TENM3: variants seen among roughly 807,000 people sequenced by gnomAD.
TENM3 encodes the protein teneurin-3.
A neutral mutation model predicts 255.1 loss-of-function variants in TENM3; 63 were observed. That is an observed-to-expected ratio of 0.25 (90% CI 0.20 to 0.30). The LOEUF (loss-of-function observed/expected upper bound fraction) is 0.30. Ranked by LOEUF, TENM3 falls within the 10% of genes least tolerant of loss-of-function variation. TENM3 has a pLI of 1.00. For synonymous variants in TENM3, 1,306 were observed against 1,322.3 expected, an observed-to-expected ratio of 0.99 and a Z score of 0.27; for missense variants, 2,929 against 3,461.1, an observed-to-expected ratio of 0.85 and a Z score of 3.86.
chr4:181,741,439 A>C, the TENM3 span, among the ~76,000 whole-genome samples: 1 of 152,158 alleles, frequency 6.6e-6, no homozygotes, highest in African/African-American at 2.4e-5. Flanking sequence ...TGTGTGCTTC[A>C]TTAGTCTCAT....
chr4:182,677,879 CTG>C (rs1252286340), intron 7 of TENM3, among the ~76,000 whole-genome samples: 1 of 152,126 alleles, frequency 6.6e-6, no homozygotes, highest in African/African-American at 2.4e-5. Flanking sequence ...ATATATTTAA[CTG>C]TGATTCTCAG....
chr4:182,078,221 G>A, the TENM3 span, among the ~76,000 whole-genome samples: 1 of 152,050 alleles, frequency 6.6e-6, no homozygotes, highest in Non-Finnish European at 1.5e-5. Flanking sequence ...GCAAGACCCT[G>A]TCTCAAAAAA....
At chr4:181,747,513 G>A in the TENM3 span, among the ~76,000 whole-genome samples, 1 of 151,988 alleles carries the variant, frequency 6.6e-6, no homozygotes, top group African/African-American at 2.4e-5. Context: ...AGTCAAGAAT[G>A]TAGTTTTCCT....
intron 3 of TENM3, 100 bp from the exon 4 acceptor site, chr4:182,600,824 A>G: frequency 7.5e-6 from 4 of 534,824 alleles, no homozygotes; most frequent in Admixed American, 3.7e-5. Context: ...TTTAATTCTA[A>G]TTCATCTGCA....
the TENM3 span, among the ~76,000 whole-genome samples, chr4:181,908,915 G>T: frequency 6.6e-6 from 1 of 152,194 alleles, no homozygotes; most frequent in Admixed American, 6.5e-5. Context: ...GTGCAAGCGA[G>T]GTGTAGAGGT....
At chr4:181,769,304 TC>T in the TENM3 span, among the ~76,000 whole-genome samples, 1 of 152,326 alleles carries the variant, frequency 6.6e-6, no homozygotes, top group Admixed American at 6.5e-5. Flanking sequence ...AGCTTCAGCT[TC>T]CGCATGCAAA....
At chr4:181,994,930 C>T in the TENM3 span, among the ~76,000 whole-genome samples, 5 of 152,132 alleles carry the variant, frequency 3.3e-5, no homozygotes, top group Non-Finnish European at 7.4e-5. Context: ...TATTATAAAG[C>T]AGAGCGATTA....
At chr4:181,751,486 A>G in the TENM3 span, among the ~76,000 whole-genome samples, 1 of 151,362 alleles carries the variant, frequency 6.6e-6, no homozygotes, top group East Asian at 1.9e-4. Context: ...CACTTCTTCT[A>G]TGACCCATTC....
the TENM3 span, among the ~76,000 whole-genome samples, chr4:181,879,637 A>G: frequency 6.6e-6 from 1 of 152,210 alleles, no homozygotes; most frequent in Non-Finnish European, 1.5e-5. Flanking sequence ...TACAGCAATA[A>G]CAATAGTTAA....
At chr4:181,862,294 G>T in the TENM3 span, among the ~76,000 whole-genome samples, 1 of 151,868 alleles carries the variant, frequency 6.6e-6, no homozygotes, top group Non-Finnish European at 1.5e-5. Context: ...AGAGCTTAGG[G>T]TCACGAAAGG....
chr4:182,557,236 G>A (rs971580684), intron 3 of TENM3, among the ~76,000 whole-genome samples: 6 of 152,066 alleles, frequency 3.9e-5, no homozygotes, highest in African/African-American at 4.8e-5. Flanking sequence ...AGCAAACTGC[G>A]GCTTTCAAAA....
At chr4:182,227,640 T>C (rs1756257199) in intron 1 of TENM3, among the ~76,000 whole-genome samples, 1 of 151,126 alleles carries the variant, frequency 6.6e-6, no homozygotes, top group South Asian at 2.1e-4. Flanking sequence ...TGCAGGGCTT[T>C]TTTTTTTTTT....
At chr4:181,557,334 C>G in the TENM3 span, among the ~76,000 whole-genome samples, 1 of 152,124 alleles carries the variant, frequency 6.6e-6, no homozygotes, top group Non-Finnish European at 1.5e-5. Flanking sequence ...TAGGCCAATT[C>G]CTACTTTGCA....
At chr4:181,546,706 T>A in the TENM3 span, among the ~76,000 whole-genome samples, 1 of 113,144 alleles carries the variant, frequency 8.8e-6, no homozygotes, top group African/African-American at 3.9e-5. Flanking sequence ...AGAGCGAGAC[T>A]CCGTCTCAGA....
intron 24 of TENM3, among the ~76,000 whole-genome samples, chr4:182,781,282 G>A (rs1765146662): frequency 6.8e-6 from 1 of 147,818 alleles, no homozygotes; most frequent in South Asian, 2.2e-4. Context: ...GTTGAATTTT[G>A]TCAAAGGCTT....
the TENM3 span, among the ~76,000 whole-genome samples, chr4:181,682,626 G>A: frequency 6.6e-6 from 1 of 152,158 alleles, no homozygotes. Flanking sequence ...TCATCTATTG[G>A]ATTGACTTGT....
the TENM3 span, among the ~76,000 whole-genome samples, chr4:181,654,499 A>C: frequency 6.6e-6 from 1 of 152,128 alleles, no homozygotes; most frequent in Non-Finnish European, 1.5e-5. Context: ...TTCGCCTATA[A>C]TCCCAGCACT....
the TENM3 span, among the ~76,000 whole-genome samples, chr4:181,576,447 G>A: frequency 5.3e-5 from 8 of 152,178 alleles, no homozygotes; most frequent in African/African-American, 1.7e-4. Flanking sequence ...ATACCCAGTA[G>A]TGGGATTGCT....
chr4:182,267,481 C>T (rs1224160426), intron 1 of TENM3, among the ~76,000 whole-genome samples: 1 of 152,064 alleles, frequency 6.6e-6, no homozygotes, highest in Non-Finnish European at 1.5e-5. Flanking sequence ...CCATAGGGAA[C>T]CAACCTCATA....
Sources: gnomAD v4.1 joint callset for allele counts (sites outside exome capture counted in the v4.1 genomes callset) on GRCh38, gnomAD v4.1.1 for gene constraint, MANE v1.5 for transcripts, NCBI Gene and HGNC (gene_info 2026-07-23, HGNC 2026-07-21) for gene names.